Variants in DNMBP observed in about 807,000 individuals in gnomAD.
The protein encoded by DNMBP is dynamin-binding protein.
DNMBP carries 87 observed loss-of-function variants against 150.0 expected under a neutral mutation model. The observed-to-expected ratio is 0.58, with a 90% CI of 0.49 to 0.69. The LOEUF (loss-of-function observed/expected upper bound fraction) is 0.69, where lower values mean the gene tolerates loss of function less well. Ranked by LOEUF, DNMBP falls within the 30% of genes least tolerant of loss-of-function variation. The pLI is 0.00. For synonymous variants in DNMBP, 711 were observed against 750.4 expected, an observed-to-expected ratio of 0.95 and a Z score of 0.86; for missense variants, 1,774 against 1,949.0, an observed-to-expected ratio of 0.91 and a Z score of 1.69.
intron 1 of DNMBP, among the ~76,000 whole-genome samples, chr10:99,974,096 G>A (rs966779669): frequency 2.0e-5 from 3 of 152,080 alleles, no homozygotes; most frequent in African/African-American, 7.2e-5. Flanking sequence ...CAAGACCAAC[G>A]TGGGCAACAC....
rs532226561 is a variant in DNMBP at position 99,970,971 on chromosome 10, C to CAAAAAAAAAAAAAAAAAAAAAAAAA, written c.145+984_145+1008dup. Among the ~76,000 whole-genome samples, 86 of 33,196 alleles carry CAAAAAAAAAAAAAAAAAAAAAAAAA rather than the reference C, an allele frequency of 2.6e-3. 17 individuals carry two copies. Among genetic ancestry groups the CAAAAAAAAAAAAAAAAAAAAAAAAA allele is most frequent in the Non-Finnish European group, 3.3e-3 (59 of 18,064 alleles). The allele number at this position is 33,196 out of a possible 152,430, so 21.8% of individuals were successfully genotyped here. A position where few individuals can be genotyped will look rare whatever the true frequency, so the allele number is the denominator to read the frequency against. On this transcript the variant is annotated intron_variant, in intron 2 of 16. Coordinates refer to ENST00000324109, the MANE Select transcript of DNMBP (RefSeq NM_015221.4). Reference sequence around the variant, plus strand: ...TGGGCAACAGAGCAAGACTCCGTCTCAAAAAAAAAAAAAAAAAAAAAAAAA... The same window carrying CAAAAAAAAAAAAAAAAAAAAAAAAA: ...TGGGCAACAGAGCAAGACTCCGTCTCAAAAAAAAAAAAAAAAAAAAAAAAAAAAAAAAAAAAAAAAAAAAAAAAAA...
intron 1 of DNMBP, among the ~76,000 whole-genome samples, chr10:99,995,413 C>T (rs966008182): frequency 3.3e-5 from 5 of 152,124 alleles, no homozygotes; most frequent in Admixed American, 1.3e-4. Flanking sequence ...CCATCACTTG[C>T]AGGAAGTGTC....
intron 1 of DNMBP, among the ~76,000 whole-genome samples, chr10:100,001,429 T>TTTTTG (rs1564760409): frequency 3.5e-5 from 5 of 144,322 alleles, no homozygotes; most frequent in African/African-American, 1.3e-4. Flanking sequence ...TTTTTTTTTT[T>TTTTTG]GAGACAGGGT....
intron 4 of DNMBP, chr10:99,914,007 C>T (rs1235394027): frequency 7.3e-6 from 11 of 1,505,918 alleles, no homozygotes; most frequent in African/African-American, 4.2e-5. Context: ...GGTAAGCAGG[C>T]GGGACAGAAT....
chr10:100,006,603 A>G (rs1278414857), intron 1 of DNMBP, among the ~76,000 whole-genome samples: 1 of 151,628 alleles, frequency 6.6e-6, no homozygotes, highest in Non-Finnish European at 1.5e-5. Context: ...CCCCTCACTC[A>G]GTGTAAAGGC....
chr10:99,998,655 A>C (rs1046560942), intron 1 of DNMBP, among the ~76,000 whole-genome samples: 1 of 152,194 alleles, frequency 6.6e-6, no homozygotes, highest in Non-Finnish European at 1.5e-5. Context: ...ATTCAAACAA[A>C]TCAATTGTTT....
chr10:99,909,304 G>A (rs1229075604), intron 4 of DNMBP, among the ~76,000 whole-genome samples, 158 bp from the exon 5 acceptor site: 2 of 152,232 alleles, frequency 1.3e-5, no homozygotes, highest in Non-Finnish European at 2.9e-5. Flanking sequence ...AACAGGGACA[G>A]CTGAAGCGCT....
intron 4 of DNMBP, among the ~76,000 whole-genome samples, chr10:99,924,231 A>G (rs950585775): frequency 3.5e-5 from 5 of 144,556 alleles, no homozygotes; most frequent in African/African-American, 1.3e-4. Context: ...AGGTCAGGAG[A>G]TCGAGACCAT....
intron 16 of DNMBP, among the ~76,000 whole-genome samples, chr10:99,877,720 C>T (rs760514683): frequency 6.6e-5 from 10 of 152,024 alleles, no homozygotes; most frequent in Admixed American, 4.6e-4. Flanking sequence ...AAAAATTAGC[C>T]GGGCGTGGTG....
chr10:99,959,537 T>TG (rs2040538570), intron 3 of DNMBP, among the ~76,000 whole-genome samples: 4 of 151,906 alleles, frequency 2.6e-5, no homozygotes, highest in Admixed American at 2.6e-4. Context: ...AAAAGCTCTT[T>TG]GGGGTCTCAA....
intron 1 of DNMBP, among the ~76,000 whole-genome samples, chr10:99,993,024 C>A (rs2133379506): frequency 6.6e-6 from 1 of 152,076 alleles, no homozygotes; most frequent in Non-Finnish European, 1.5e-5. Flanking sequence ...GGCTACAGAG[C>A]AAGACCCTGA....
At chr10:99,962,941 A>G (rs2040580090) in intron 3 of DNMBP, among the ~76,000 whole-genome samples, 1 of 151,644 alleles carries the variant, frequency 6.6e-6, no homozygotes. Flanking sequence ...TTATTACCTG[A>G]TGGACTGCTA....
chr10:100,000,200 A>C lies in DNMBP; in HGVS notation c.-11+9638T>G, dbSNP rs2040994131. On this transcript the variant is annotated intron_variant, in intron 1 of 16. Transcript: ENST00000324109. ...GTTCGGAAATGACAGAAAAGCTAAA[A>C]AGTTTCCACATTGCAGGGGAGGGGA... 3.3e-5 allele frequency among the ~76,000 whole-genome samples: 5 copies of C among 152,344 alleles called. No homozygotes were observed. In the South Asian group the frequency reaches 1.0e-3, roughly 32 times the overall value.
At position 99,957,021 on chromosome 10, in the gene DNMBP, C is replaced by T. The variant is rs1264095229; in HGVS notation, c.453G>A (p.Arg151=). The change falls in exon 4 of 17, where the codon CGG becomes CGA. Residue 151 remains arginine, a synonymous_variant. Coordinates refer to ENST00000324109, the MANE Select transcript of DNMBP (RefSeq NM_015221.4). Reference sequence around the variant, plus strand: ...GCTGAGCAGAAAGCCCCATTAGGGCCCGGGCTTGTCCCATGGAATATTCCG... The same window carrying T: ...GCTGAGCAGAAAGCCCCATTAGGGCTCGGGCTTGTCCCATGGAATATTCCG... The part of the protein sequence containing the change: ...QIPEYSMGQA[R]ALMGLSAQLD... 2.5e-6 allele frequency: 4 copies of T among 1,614,178 alleles called. No individual in the cohort carries two copies. The highest frequency in any genetic ancestry group is 2.2e-5 in the East Asian group (1 of 44,874).
intron 4 of DNMBP, among the ~76,000 whole-genome samples, chr10:99,931,589 C>T (rs1429532651): frequency 6.6e-6 from 1 of 152,166 alleles, no homozygotes; most frequent in East Asian, 1.9e-4. Context: ...CAAAAACATT[C>T]ATTTCTTAAA....
At chr10:99,881,143 G>A (rs1203452353) in intron 15 of DNMBP, among the ~76,000 whole-genome samples, 3 of 151,988 alleles carry the variant, frequency 2.0e-5, no homozygotes, top group Non-Finnish European at 2.9e-5. Flanking sequence ...CAGGAGAATC[G>A]CTTGAACCCA....
chr10:99,921,225 C>T (rs2040019387), intron 4 of DNMBP, among the ~76,000 whole-genome samples: 2 of 152,310 alleles, frequency 1.3e-5, no homozygotes, highest in South Asian at 4.2e-4. Context: ...TGTCTCTGGG[C>T]CTTTTCCATC....
At chr10:99,980,882 G>C (rs1358547431) in intron 1 of DNMBP, among the ~76,000 whole-genome samples, 1 of 152,130 alleles carries the variant, frequency 6.6e-6, no homozygotes, top group Non-Finnish European at 1.5e-5. Context: ...ACACAGAGGG[G>C]TCAAATTCAT....
At chr10:99,891,743 GCC>G in intron 11 of DNMBP, among the ~76,000 whole-genome samples, 1 of 112,928 alleles carries the variant, frequency 8.9e-6, no homozygotes, top group African/African-American at 5.0e-5. Flanking sequence ...CCTCTTCCCG[GCC>G]GCCATCACAT....
Sources: allele counts gnomAD v4.1 joint callset (sites outside exome capture counted in the v4.1 genomes callset), GRCh38; gene constraint gnomAD v4.1.1; transcripts MANE v1.5; gene names NCBI Gene and HGNC (gene_info 2026-07-23, HGNC 2026-07-21).